Variants in PTPRQ observed in about 807,000 individuals in gnomAD.
PTPRQ encodes protein tyrosine phosphatase receptor type Q.
PTPRQ carries 199 observed loss-of-function variants against 246.0 expected under a neutral mutation model. The observed-to-expected ratio is 0.81, with a 90% CI of 0.72 to 0.91. The LOEUF is 0.91. Ranked by LOEUF, PTPRQ falls within the 40% of genes least tolerant of loss-of-function variation. PTPRQ has a pLI of 0.00. For synonymous variants in PTPRQ, 869 were observed against 853.2 expected (o/e 1.02, Z -0.32); for missense variants, 2,624 against 2,528.4 (o/e 1.04, Z -0.81).
intron 19 of PTPRQ, 23 bp from the exon 20 acceptor site, chr12:80,539,738 AAAATACATTCTGAAC>A (rs1189207377): frequency 3.4e-6 from 5 of 1,491,410 alleles, no homozygotes; most frequent in Non-Finnish European, 4.5e-6. Flanking sequence ...GCATACTAAA[AAAATACATTCTGAAC>A]AATGAATGTG....
At chr12:80,662,342 G>T (rs11114553) in intron 39 of PTPRQ, among the ~76,000 whole-genome samples, 31,309 of 151,780 alleles carry the variant, frequency 0.21, 5,260 homozygotes, top group African/African-American at 0.46. Flanking sequence ...TACTTTTTTA[G>T]CATGTAGTTC....
intron 3 of PTPRQ, among the ~76,000 whole-genome samples, chr12:80,446,987 C>T (rs376290915): frequency 8.9e-4 from 136 of 152,054 alleles, no homozygotes; most frequent in African/African-American, 3.2e-3. Context: ...TTTGAGAAAT[C>T]TCCGTACTGT....
chr12:80,660,984 T>A (rs1156284795), intron 39 of PTPRQ, among the ~76,000 whole-genome samples: 1 of 145,160 alleles, frequency 6.9e-6, no homozygotes, highest in African/African-American at 2.7e-5. Context: ...AGGATAAGCA[T>A]GTATATTTCC....
chr12:80,467,557 C>G (rs1893470250), intron 6 of PTPRQ, among the ~76,000 whole-genome samples: 1 of 152,188 alleles, frequency 6.6e-6, no homozygotes, highest in African/African-American at 2.4e-5. Flanking sequence ...CACATGCACA[C>G]ATATGTTTAT....
chr12:80,651,391 G>A (rs1900253647), intron 37 of PTPRQ, among the ~76,000 whole-genome samples: 1 of 152,068 alleles, frequency 6.6e-6, no homozygotes, highest in Admixed American at 6.6e-5. Flanking sequence ...TTATAAAAAA[G>A]GTGTCTTTCA....
intron 25 of PTPRQ, among the ~76,000 whole-genome samples, chr12:80,585,771 T>C (rs1897593221): frequency 6.6e-6 from 1 of 151,710 alleles, no homozygotes; most frequent in Admixed American, 6.6e-5. Flanking sequence ...TTAGGGTACA[T>C]GTGCACATTG....
At chr12:80,506,870 A>G (rs1454009621) in intron 16 of PTPRQ, among the ~76,000 whole-genome samples, 200 bp downstream of exon 16, 1 of 151,930 alleles carries the variant, frequency 6.6e-6, no homozygotes, top group African/African-American at 2.4e-5. Flanking sequence ...CAGGCATAAA[A>G]TGTTTTTTAT....
chr12:80,639,424 T>C (rs968922304), intron 35 of PTPRQ, among the ~76,000 whole-genome samples: 18 of 152,176 alleles, frequency 1.2e-4, no homozygotes, highest in Non-Finnish European at 2.2e-4. Context: ...TATGCACCAC[T>C]TCATATTAAT....
chr12:80,534,682 T>G (rs1592625048), intron 18 of PTPRQ, among the ~76,000 whole-genome samples: 2 of 152,016 alleles, frequency 1.3e-5, no homozygotes, highest in Non-Finnish European at 1.5e-5. Context: ...AAGAAATCTA[T>G]CTGTCTTCAG....
Position 80,556,369 on chromosome 12 carries a change from T to C in PTPRQ, c.4285+6635T>C, listed in dbSNP as rs150593586. Among the ~76,000 whole-genome samples the C allele has an allele frequency of 4.0e-3, 607 of 152,302 alleles. 7 individuals carry two copies. Among genetic ancestry groups the C allele is most frequent in the African/African-American group, 0.014 (585 of 41,550 alleles). The stretch of plus-strand genomic sequence containing the variant: ...AATAAATATTCAGGAGAAAAATATT[T>C]TATTGAAACTTTTTTGAAGAGTGAA... On this transcript the variant is annotated intron_variant, in intron 25 of 44. Transcript: ENST00000644991.
intron 19 of PTPRQ, among the ~76,000 whole-genome samples, chr12:80,538,340 G>A (rs925242381): frequency 6.6e-6 from 1 of 152,164 alleles, no homozygotes; most frequent in Non-Finnish European, 1.5e-5. Flanking sequence ...AAGTCACACA[G>A]TCAGCAGGAA....
chr12:80,539,876 C>G lies in PTPRQ; in HGVS notation c.3086C>G (p.Thr1029Arg). Residue 1029 changes from threonine to arginine, a missense_variant, in exon 20 of 45, where the codon ACA becomes AGA. Physicochemically the swap from Thr to Arg is moderately conservative, Grantham distance 71. Transcript: ENST00000644991. Reference sequence around the variant, plus strand: ...TTCAGCTACTATACATTTTGGTTAACAGCAAGTACTTCAGTTGGAAATGGG... The same window carrying G: ...TTCAGCTACTATACATTTTGGTTAAGAGCAAGTACTTCAGTTGGAAATGGG... ...TIFSYYTFWL[T>R]ASTSVGNGNK... The G allele has an allele frequency of 6.5e-7, 1 of 1,549,196 alleles. No individual in the cohort carries two copies. The highest frequency in any genetic ancestry group is 8.7e-7 in the Non-Finnish European group (1 of 1,145,730).
chr12:80,451,424 ATGAATG>A (rs1892766597), intron 3 of PTPRQ, among the ~76,000 whole-genome samples: 1 of 55,920 alleles, frequency 1.8e-5, no homozygotes, highest in African/African-American at 7.5e-5. Flanking sequence ...CTGCTAGCTT[ATGAATG>A]TGTTTGCTCT....
At chr12:80,670,917 C>T (rs1153037) in intron 42 of PTPRQ, among the ~76,000 whole-genome samples, 2,772 of 152,076 alleles carry the variant, frequency 0.018, 74 homozygotes, top group African/African-American at 0.064. Flanking sequence ...TGAGAATATA[C>T]TTAATGCCAC....
At chr12:80,587,683 A>G (rs928989766) in intron 25 of PTPRQ, among the ~76,000 whole-genome samples, 3 of 152,224 alleles carry the variant, frequency 2.0e-5, no homozygotes, top group Admixed American at 6.5e-5. Context: ...TTGTTTTATA[A>G]TCAACATTTA....
chr12:80,522,912 C>T (rs1249996968), intron 17 of PTPRQ, among the ~76,000 whole-genome samples: 2 of 151,912 alleles, frequency 1.3e-5, no homozygotes, highest in Non-Finnish European at 2.9e-5. Flanking sequence ...CTTTTTCTAT[C>T]AATTGGAATA....
chr12:80,573,405 C>A (rs1897202016), intron 25 of PTPRQ, among the ~76,000 whole-genome samples: 1 of 151,976 alleles, frequency 6.6e-6, no homozygotes, highest in South Asian at 2.1e-4. Flanking sequence ...AGGAGAATGG[C>A]GTGAACCCGG....
intron 17 of PTPRQ, among the ~76,000 whole-genome samples, chr12:80,527,700 C>G (rs918533380): frequency 6.6e-6 from 1 of 152,254 alleles, no homozygotes; most frequent in East Asian, 1.9e-4. Context: ...GACATAACTA[C>G]AGATAACTCA....
intron 25 of PTPRQ, among the ~76,000 whole-genome samples, chr12:80,581,023 G>A (rs1247826794): frequency 1.3e-5 from 2 of 152,164 alleles, no homozygotes; most frequent in Non-Finnish European, 2.9e-5. Context: ...AAATTTGCTA[G>A]TAACAAACAC....
Sources: allele counts gnomAD v4.1 joint callset (sites outside exome capture counted in the v4.1 genomes callset), GRCh38; gene constraint gnomAD v4.1.1; transcripts MANE v1.5; gene names NCBI Gene and HGNC (gene_info 2026-07-23, HGNC 2026-07-21).